CCDC180: variants seen among roughly 807,000 people sequenced by gnomAD.
CCDC180 encodes the protein coiled-coil domain containing 180, also known as coiled-coil domain-containing protein 180.
Under a neutral mutation model 209.2 loss-of-function variants are expected in CCDC180, and 154 were observed. The observed-to-expected ratio is 0.74, with a 90% confidence interval of 0.65 to 0.84. The LOEUF (loss-of-function observed/expected upper bound fraction) is 0.84, where lower values mean the gene tolerates loss of function less well. Ranked by LOEUF, CCDC180 falls within the 40% of genes least tolerant of loss-of-function variation. The probability of loss-of-function intolerance (pLI) is 0.00; values close to 1 mark genes in which losing one functional copy is unlikely to be tolerated. For synonymous variants in CCDC180, 778 were observed against 749.1 expected (o/e 1.04, Z -0.63); for missense variants, 1,874 against 1,997.3 (o/e 0.94, Z 1.18).
rs1052933322 is a variant in CCDC180, at chr9:97,370,794, G to C, written c.4488+16G>C. Reference sequence around the variant, plus strand: ...GAAGCTGGAGGTCAGTGATACCATTGATTCGCCAGTCCAGGCATGCTCCAA... The same window carrying C: ...GAAGCTGGAGGTCAGTGATACCATTCATTCGCCAGTCCAGGCATGCTCCAA... On this transcript the variant is annotated intron_variant, in intron 33 of 36. Coordinates refer to ENST00000529487, the MANE Select transcript of CCDC180 (RefSeq NM_020893.6). The C allele has an allele frequency of 6.2e-7, 1 of 1,613,040 alleles. No homozygotes were observed. The highest frequency in any genetic ancestry group is 8.5e-7 in the Non-Finnish European group (1 of 1,179,612).
Position 97,359,979 on chromosome 9 carries a change from C to G in CCDC180, c.3364-3C>G, listed in dbSNP as rs368996516. 1.2e-6 allele frequency: 2 copies of G among 1,613,704 alleles called. No homozygotes were observed. On this transcript the variant is annotated splice_region_variant and splice_polypyrimidine_tract_variant and intron_variant, in intron 25 of 36. Coordinates refer to ENST00000529487, the MANE Select transcript of CCDC180 (RefSeq NM_020893.6). ...GGGCTTTCTTCCTCCCTTTTCTCACCAGACAGTGACCACAGAAGAACTCCT... is the reference window on the plus strand; with the variant it reads ...GGGCTTTCTTCCTCCCTTTTCTCACGAGACAGTGACCACAGAAGAACTCCT...
At chr9:97,349,072 C>T (rs947665528) in intron 20 of CCDC180, 39 bp from the exon 21 acceptor site, 32 of 1,516,544 alleles carry the variant, frequency 2.1e-5, no homozygotes, top group Middle Eastern at 2.0e-4. Flanking sequence ...TGAGGTGAAT[C>T]GGGTCCCCGG....
chr9:97,335,482 TC>T (rs1825876926), intron 18 of CCDC180, among the ~76,000 whole-genome samples: 1 of 152,220 alleles, frequency 6.6e-6, no homozygotes, highest in African/African-American at 2.4e-5. Flanking sequence ...TCCAGCTTCA[TC>T]CATGTTGCTA....
chr9:97,318,621 G>T, intron 10 of CCDC180, 39 bp downstream of exon 10: 1 of 1,603,094 alleles, frequency 6.2e-7, no homozygotes, highest in South Asian at 1.1e-5. Flanking sequence ...GGTGCTTCTT[G>T]GGGTGCAGTG....
chr9:97,349,149 T>G lies in CCDC180; in HGVS notation c.2713T>G (p.Cys905Gly). ...TCATCAAGAGCAGTTGGACAGCCACTGTGCTGGGGTGACCGAGACGCTGAA... is the reference window on the plus strand; with the variant it reads ...TCATCAAGAGCAGTTGGACAGCCACGGTGCTGGGGTGACCGAGACGCTGAA... The part of the protein sequence containing the change: ...LLHQEQLDSH[C>G]AGVTETLKKK... Residue 905 changes from cysteine (C) to glycine (G), a missense_variant, in exon 21 of 37, where the codon TGT becomes GGT. By Grantham distance (159) the Cys-to-Gly change is radical. Coordinates refer to ENST00000529487, the MANE Select transcript of CCDC180 (RefSeq NM_020893.6). 1 of 1,535,868 alleles carries G rather than the reference T, an allele frequency of 6.5e-7. No homozygotes were observed. Among genetic ancestry groups the G allele is most frequent in the African/African-American group, 1.4e-5 (1 of 73,152 alleles).
chr9:97,359,956 G>A (rs751861154), intron 25 of CCDC180, 26 bp from the exon 26 acceptor site: 31 of 1,612,366 alleles, frequency 1.9e-5, no homozygotes, highest in African/African-American at 4.0e-5. Flanking sequence ...CTTCCTTGGG[G>A]CTTTCTTCCT....
At chr9:97,356,067 G>A (rs1433794364) in intron 24 of CCDC180, among the ~76,000 whole-genome samples, 1 of 152,184 alleles carries the variant, frequency 6.6e-6, no homozygotes, top group Non-Finnish European at 1.5e-5. Context: ...TAGGAGTGAG[G>A]CAGAAGTGTG....
chr9:97,308,028 C>T lies in CCDC180; in HGVS notation c.-36C>T, dbSNP rs779968415. 7 of 1,611,454 alleles carry T rather than the reference C, an allele frequency of 4.3e-6. No homozygotes were observed. The South Asian group carries it at 6.6e-5, about 15-fold the overall frequency. ...AAGCCTAGACGCGTTTCCTGGACGA[C>T]GGCTTCCCGGCAGGGGCATCCAGCC... On this transcript the variant is annotated 5_prime_UTR_variant, in exon 2 of 37. The change creates a new upstream start codon in the 5' untranslated region. Coordinates refer to ENST00000529487, the MANE Select transcript of CCDC180 (RefSeq NM_020893.6).
chr9:97,351,733 G>GC (rs1489399537), intron 22 of CCDC180, among the ~76,000 whole-genome samples: 5 of 152,024 alleles, frequency 3.3e-5, no homozygotes, highest in East Asian at 3.9e-4. Flanking sequence ...CTGACCCACA[G>GC]CCCCCCACTA....
At chr9:97,307,903 C>T in intron 1 of CCDC180, 80 bp from the exon 2 acceptor site, 1 of 1,589,130 alleles carries the variant, frequency 6.3e-7, no homozygotes, top group Non-Finnish European at 8.6e-7. Context: ...GAGTCCTGCC[C>T]TGGGGTGCCG....
At chr9:97,322,738 C>T in intron 11 of CCDC180, 95 bp from the exon 12 acceptor site, 1 of 1,005,978 alleles carries the variant, frequency 9.9e-7, no homozygotes, top group Non-Finnish European at 1.6e-6. Context: ...ATAAATGTTG[C>T]TGTGGAGGCA....
chr9:97,315,366 C>T (rs1564146950), intron 8 of CCDC180, among the ~76,000 whole-genome samples: 2 of 152,134 alleles, frequency 1.3e-5, no homozygotes, highest in Admixed American at 6.5e-5. Flanking sequence ...GCTCTGCCTG[C>T]TATGTCTGGC....
intron 18 of CCDC180, among the ~76,000 whole-genome samples, chr9:97,339,853 G>A (rs1017558917): frequency 1.3e-5 from 2 of 152,068 alleles, no homozygotes; most frequent in African/African-American, 4.8e-5. Context: ...GGCTTTGTTT[G>A]TTTCTTTTTA....
chr9:97,322,778 C>T (rs573824921), intron 11 of CCDC180, 55 bp from the exon 12 acceptor site: 4 of 1,517,860 alleles, frequency 2.6e-6, no homozygotes, highest in South Asian at 2.2e-5. Context: ...GGACACTCCC[C>T]TTTCTAATCT....
chr9:97,309,000 A>C (rs1006849573), intron 2 of CCDC180, among the ~76,000 whole-genome samples: 1 of 152,170 alleles, frequency 6.6e-6, no homozygotes, highest in Non-Finnish European at 1.5e-5. Flanking sequence ...GATATATTTA[A>C]CCATATATCA....
At position 97,328,041 on chromosome 9, in the gene CCDC180, C is replaced by T. The variant is rs377411416; in HGVS notation, c.1683C>T (p.Leu561=). 22 of 1,613,746 alleles carry T rather than the reference C, an allele frequency of 1.4e-5. No homozygotes were observed. The highest frequency in any genetic ancestry group is 5.0e-5 in the Admixed American group (3 of 59,984). Residue 561 remains leucine, a synonymous_variant, in exon 16 of 37, where the codon CTC becomes CTT. Transcript: ENST00000529487. ...CCAGGTATGAATGTTTTCACACCCTCCTGACAAAGGAAGTGATGGAGTACC... is the reference window on the plus strand; with the variant it reads ...CCAGGTATGAATGTTTTCACACCCTTCTGACAAAGGAAGTGATGGAGTACC... The part of the protein sequence containing the change: ...MKSRYECFHT[L]LTKEVMEYPA...
intron 2 of CCDC180, among the ~76,000 whole-genome samples, chr9:97,308,980 G>T (rs1365940407): frequency 6.6e-6 from 1 of 152,034 alleles, no homozygotes; most frequent in Non-Finnish European, 1.5e-5. Context: ...AATTTCTAAT[G>T]CATGTAAGTG....
intron 36 of CCDC180, 27 bp from the exon 37 acceptor site, chr9:97,376,736 G>A: frequency 6.2e-7 from 1 of 1,607,324 alleles, no homozygotes. Context: ...CTCCTCATGT[G>A]GACCCCTCCT....
Position 97,366,424 on chromosome 9 carries a change from C to A in CCDC180, c.4048-135C>A. ...GCAGACAGGGAAGGAGGAGTGTCTG[C>A]TCGTGTCACTTCCACAGGGGATGCC... On this transcript the variant is annotated intron_variant, in intron 30 of 36. Transcript: ENST00000529487. The surrounding 1 kb of genome is among the most constrained non-coding windows in gnomAD (Gnocchi z 4.3). The A allele has an allele frequency of 2.3e-6, 2 of 858,770 alleles. No homozygotes were observed. Among genetic ancestry groups the A allele is most frequent in the East Asian group, 2.7e-5 (1 of 37,586 alleles). The allele number at this position is 858,770 out of a possible 1,614,324, so 53.2% of individuals were successfully genotyped here. A position where few individuals can be genotyped will look rare whatever the true frequency, so the allele number is the denominator to read the frequency against.
Sources: gnomAD v4.1 joint callset for allele counts (sites outside exome capture counted in the v4.1 genomes callset) on GRCh38, gnomAD v4.1.1 for gene constraint, Gnocchi (gnomAD v3.1) non-coding constraint, MANE v1.5 for transcripts, NCBI Gene and HGNC (gene_info 2026-07-23, HGNC 2026-07-21) for gene names.